DGKG: variants seen among roughly 807,000 people sequenced by gnomAD.
DGKG encodes DAG kinase gamma.
In DGKG, 78 loss-of-function variants were observed where a neutral mutation model predicts 105.3. The ratio of observed to expected loss-of-function variants is 0.74; its 90% CI spans 0.62 to 0.89. The LOEUF is 0.89. Ranked by LOEUF, DGKG falls within the 40% of genes least tolerant of loss-of-function variation. The probability of loss-of-function intolerance (pLI) is 0.00; values close to 1 mark genes in which losing one functional copy is unlikely to be tolerated. For missense variants in DGKG, 958 were observed against 1,020.1 expected, an observed-to-expected ratio of 0.94 and a Z score of 0.83; for synonymous variants, 346 against 367.1, an observed-to-expected ratio of 0.94 and a Z score of 0.66.
intron 3 of DGKG, among the ~76,000 whole-genome samples, chr3:186,306,180 AAG>A (rs1181378944): frequency 6.6e-6 from 1 of 152,208 alleles, no homozygotes; most frequent in Admixed American, 6.5e-5. Context: ...AAGTAGGAAA[AAG>A]AGAATTTGGA....
chr3:186,297,341 G>A (rs1296416900), intron 5 of DGKG, 80 bp downstream of exon 5: 1 of 1,081,578 alleles, frequency 9.2e-7, no homozygotes, highest in South Asian at 1.3e-5. Context: ...AGACAGCACT[G>A]TTGGTTAGGT....
intron 1 of DGKG, among the ~76,000 whole-genome samples, chr3:186,321,951 G>A (rs1352562713): frequency 6.6e-6 from 1 of 152,148 alleles, no homozygotes; most frequent in Non-Finnish European, 1.5e-5. Context: ...CTTGGCACAT[G>A]CTACTGTCAA....
At chr3:186,232,330 T>G (rs776409213) in intron 20 of DGKG, among the ~76,000 whole-genome samples, 2 of 152,244 alleles carry the variant, frequency 1.3e-5, no homozygotes, top group Non-Finnish European at 2.9e-5. Flanking sequence ...TAGAGCATGA[T>G]CTCAAGTCAA....
chr3:186,326,987 G>A (rs923875714), intron 1 of DGKG, among the ~76,000 whole-genome samples: 20 of 152,040 alleles, frequency 1.3e-4, no homozygotes, highest in African/African-American at 4.3e-4. Flanking sequence ...GCAAAACCCC[G>A]TCTTTACAAA....
Position 186,219,278 on chromosome 3 carries a change from G to A in DGKG, c.1827-7393C>T, listed in dbSNP as rs529241657. Among the ~76,000 whole-genome samples the A allele has an allele frequency of 2.4e-4, 36 of 152,056 alleles. No individual in the cohort carries two copies. The Middle Eastern group carries it at 0.017, about 72-fold the overall frequency. On this transcript the variant is annotated intron_variant, in intron 20 of 24. Transcript: ENST00000265022. ...GCTGCAGAGGCCATCTGTGTCACCCGCACACCCAGCTGCCTTGGCCCATCA... is the reference window on the plus strand; with the variant it reads ...GCTGCAGAGGCCATCTGTGTCACCCACACACCCAGCTGCCTTGGCCCATCA...
rs976762086 is a variant in DGKG at position 186,210,279 on chromosome 3, C to T, written c.1917+1516G>A. On this transcript the variant is annotated intron_variant, in intron 21 of 24. Transcript: ENST00000265022. This position sits in a 1 kb window ranked among gnomAD's most constrained non-coding sequence, Gnocchi z 5.2. The stretch of plus-strand genomic sequence containing the variant: ...GTATATTTAAAGAGACCTCACCAGA[C>T]GGCTGTGCCAAGGGGAAAAAATGCA... Among the ~76,000 whole-genome samples the T allele has an allele frequency of 8.5e-5, 13 of 152,214 alleles. No individual in the cohort carries two copies. Among genetic ancestry groups the T allele is most frequent in the African/African-American group, 2.7e-4 (11 of 41,460 alleles).
intron 20 of DGKG, among the ~76,000 whole-genome samples, chr3:186,233,724 C>A (rs1287780249): frequency 2.0e-5 from 3 of 152,172 alleles, no homozygotes; most frequent in South Asian, 2.1e-4. Flanking sequence ...ACCTCGTGAT[C>A]CGCCTGCCTC....
At position 186,273,173 on chromosome 3, in the gene DGKG, T is replaced by C. The variant is rs2108586936; in HGVS notation, c.911-830A>G. On this transcript the variant is annotated intron_variant, in intron 10 of 24. Coordinates refer to ENST00000265022, the MANE Select transcript of DGKG (RefSeq NM_001346.3). ...CTCTTTGCAGGGATTGTTGCAGTAG[T>C]ACATGAGATAGTTTGTGTAAAGCAT... Among the ~76,000 whole-genome samples the C allele has an allele frequency of 2.6e-5, 4 of 152,260 alleles. 1 individual carries two copies. The East Asian group carries it at 7.7e-4, about 29-fold the overall frequency.
At chr3:186,175,824 A>G (rs1235968962) in intron 22 of DGKG, among the ~76,000 whole-genome samples, 1 of 152,224 alleles carries the variant, frequency 6.6e-6, no homozygotes, top group African/African-American at 2.4e-5. Context: ...AATGGGAGAA[A>G]AATGTTGGAA....
At position 186,201,547 on chromosome 3, in the gene DGKG, A is replaced by G. The variant is rs1718462230; in HGVS notation, c.1917+10248T>C. Among the ~76,000 whole-genome samples, 4 of 152,108 alleles carry G rather than the reference A, an allele frequency of 2.6e-5. 1 individual carries two copies. The South Asian group carries it at 8.3e-4, about 32-fold the overall frequency. The stretch of plus-strand genomic sequence containing the variant: ...TGTCCCGGACCCTCTGCTACTATCA[A>G]AGATACCACCAATAGCTTCCTAGAG... On this transcript the variant is annotated intron_variant, in intron 21 of 24. Transcript: ENST00000265022.
At position 186,148,299 on chromosome 3, in the gene DGKG, G is replaced by T. The variant is rs945673486; in HGVS notation, c.*1791C>A. ...GTCCTTCTTGTGACTCTCCACTGAG[G>T]TCATCCCTGCAGCCAAGGTTGTTTC... On this transcript the variant is annotated 3_prime_UTR_variant, in exon 25 of 25. Coordinates refer to ENST00000265022, the MANE Select transcript of DGKG (RefSeq NM_001346.3). 1.0e-6 allele frequency: 1 copy of T among 985,476 alleles called. No homozygotes were observed. The highest frequency in any genetic ancestry group is 1.2e-6 in the Non-Finnish European group (1 of 829,976). The allele number at this position is 985,476 out of a possible 1,614,324, so 61.0% of individuals were successfully genotyped here. A position where few individuals can be genotyped will look rare whatever the true frequency, so the allele number is the denominator to read the frequency against.
In DGKG at chr3:186,148,444, T is replaced by C. The variant is rs1715596836; in HGVS notation, c.*1646A>G. The C allele has an allele frequency of 5.1e-6, 5 of 985,446 alleles. No individual in the cohort carries two copies. The South Asian group carries it at 1.9e-4, about 37-fold the overall frequency. The allele number at this position is 985,446 out of a possible 1,614,324, so 61.0% of individuals were successfully genotyped here. A position where few individuals can be genotyped will look rare whatever the true frequency, so the allele number is the denominator to read the frequency against. ...TTCCATTCAGGTCAGAGAGAACCTCTGGGAAGCAGCATGAGGCGCTCGTTT... is the reference window on the plus strand; with the variant it reads ...TTCCATTCAGGTCAGAGAGAACCTCCGGGAAGCAGCATGAGGCGCTCGTTT... On this transcript the variant is annotated 3_prime_UTR_variant, in exon 25 of 25. Transcript: ENST00000265022.
intron 24 of DGKG, chr3:186,160,894 G>T (rs763865913): frequency 2.0e-6 from 2 of 985,356 alleles, no homozygotes; most frequent in African/African-American, 3.5e-5. Flanking sequence ...GATATGGTAA[G>T]TCTGGGAATG....
At chr3:186,172,756 T>C (rs1322286219) in intron 22 of DGKG, among the ~76,000 whole-genome samples, 1 of 152,252 alleles carries the variant, frequency 6.6e-6, no homozygotes, top group Non-Finnish European at 1.5e-5. Context: ...TGGGAAACTC[T>C]ACACTAAGTT....
At chr3:186,347,861 G>A (rs542301342) in intron 1 of DGKG, among the ~76,000 whole-genome samples, 1 of 152,320 alleles carries the variant, frequency 6.6e-6, no homozygotes, top group East Asian at 1.9e-4. Context: ...GGGATTACAG[G>A]CATGAGCCTC....
intron 2 of DGKG, among the ~76,000 whole-genome samples, chr3:186,319,021 TC>T (rs1178008808): frequency 6.6e-6 from 1 of 152,246 alleles, no homozygotes; most frequent in Non-Finnish European, 1.5e-5. Flanking sequence ...GGTAGGCCTC[TC>T]CTTTGTGCTT....
intron 19 of DGKG, among the ~76,000 whole-genome samples, chr3:186,246,606 A>T (rs1720953469): frequency 6.6e-6 from 1 of 152,222 alleles, no homozygotes; most frequent in Non-Finnish European, 1.5e-5. Flanking sequence ...GGGAATGGAA[A>T]AGGGTATAGA....
intron 2 of DGKG, among the ~76,000 whole-genome samples, chr3:186,319,384 G>A (rs1724971409): frequency 6.6e-6 from 1 of 152,184 alleles, no homozygotes. Context: ...GGCAGAGCTG[G>A]CACCTGAACT....
chr3:186,250,890 G>A (rs533817693), intron 19 of DGKG, among the ~76,000 whole-genome samples: 1 of 152,096 alleles, frequency 6.6e-6, no homozygotes, highest in South Asian at 2.1e-4. Flanking sequence ...TAGTGTCTTT[G>A]TTGCACTCCC....
Sources: gnomAD v4.1 joint callset for allele counts (sites outside exome capture counted in the v4.1 genomes callset) on GRCh38, gnomAD v4.1.1 for gene constraint, Gnocchi (gnomAD v3.1) non-coding constraint, MANE v1.5 for transcripts, NCBI Gene and HGNC (gene_info 2026-07-23, HGNC 2026-07-21) for gene names.